Variants in NCOA7 observed in about 807,000 individuals in gnomAD.
NCOA7 encodes the protein 140 kDa estrogen receptor-associated protein.
A neutral mutation model predicts 104.3 loss-of-function variants in NCOA7; 45 were observed. The observed-to-expected ratio is 0.43, with a 90% CI of 0.34 to 0.55. The LOEUF (loss-of-function observed/expected upper bound fraction) is 0.55. NCOA7 is among the 20% of genes least tolerant of loss of function. NCOA7 has a pLI of 0.02. For missense variants in NCOA7, 1,041 were observed against 1,119.7 expected (o/e 0.93, Z 1.00); for synonymous variants, 398 against 402.3 (o/e 0.99, Z 0.13).
Position 125,890,093 on chromosome 6 carries a change from T to C in NCOA7, c.1927+112T>C, listed in dbSNP as rs1207964865. 4.9e-6 allele frequency: 4 copies of C among 818,176 alleles called. No individual in the cohort carries two copies. The African/African-American group carries it at 5.3e-5, about 11-fold the overall frequency. 50.7% of individuals were successfully genotyped at this position (818,176 alleles called of 1,614,324 possible). On this transcript the variant is annotated intron_variant, in intron 9 of 15. Transcript: ENST00000392477. ...TTATTTGAAAACAGTATTTTCTCAA[T>C]AGAGTGTATCTTTGCTGATAGCATT...
intron 10 of NCOA7, among the ~76,000 whole-genome samples, chr6:125,894,096 TTAATCATC>T (rs1784817769): frequency 6.6e-6 from 1 of 152,064 alleles, no homozygotes. Flanking sequence ...CCACCATATT[TTAATCATC>T]TAGTACAAAA....
intron 1 of NCOA7, among the ~76,000 whole-genome samples, chr6:125,784,987 A>AACACACACACACAC (rs3084325): frequency 1.1e-3 from 158 of 148,402 alleles, no homozygotes; most frequent in African/African-American, 3.8e-3. Context: ...GTTGCATATA[A>AACACACACACACAC]ACACACACAC....
chr6:125,859,520 CAA>C (rs1781866750), intron 3 of NCOA7, among the ~76,000 whole-genome samples: 1 of 152,020 alleles, frequency 6.6e-6, no homozygotes. Flanking sequence ...GGATATGTAA[CAA>C]TATGTTGATA....
chr6:125,856,151 T>C (rs953603484), intron 3 of NCOA7, among the ~76,000 whole-genome samples: 3 of 152,094 alleles, frequency 2.0e-5, no homozygotes, highest in African/African-American at 7.2e-5. Context: ...TGGCGTGGCA[T>C]ACAGGTTATG....
rs374367287 is a variant in NCOA7, at chr6:125,850,675, C to T, written c.51-4345C>T. Reference sequence around the variant, plus strand: ...TTCAAAAGATTAAGAAGCAGCATATCTCAGGCTGCATAGAACTAATATTAG... The same window carrying T: ...TTCAAAAGATTAAGAAGCAGCATATTTCAGGCTGCATAGAACTAATATTAG... On this transcript the variant is annotated intron_variant, in intron 2 of 15. Transcript: ENST00000392477. 1.5e-3 allele frequency among the ~76,000 whole-genome samples: 225 copies of T among 152,322 alleles called. 2 individuals carry two copies. In the Middle Eastern group the frequency reaches 0.024, roughly 16 times the overall value.
chr6:125,900,195 A>AT (rs1785380242), intron 10 of NCOA7, among the ~76,000 whole-genome samples: 1 of 152,158 alleles, frequency 6.6e-6, no homozygotes, highest in African/African-American at 2.4e-5. Context: ...GTGTTGCTAC[A>AT]TCTTCTCATC....
Position 125,881,102 on chromosome 6 carries a change from C to G in NCOA7, c.472C>G (p.Pro158Ala). The change falls in exon 6 of 16, where the codon CCA (proline) becomes GCA (alanine). Residue 158 changes from proline (P) to alanine (A), a missense_variant. Transcript: ENST00000392477. Reference protein sequence around the residue: ...TIVPGQVLFVPDANSPSSTLR... With the variant: ...TIVPGQVLFVADANSPSSTLR... ...CTCCCATTCTCAGGTCCTTTTTGTGCCAGATGCCAACTCTCCTTCCAGTAC... is the reference window on the plus strand; with the variant it reads ...CTCCCATTCTCAGGTCCTTTTTGTGGCAGATGCCAACTCTCCTTCCAGTAC... The G allele has an allele frequency of 2.5e-6, 4 of 1,613,438 alleles. No individual in the cohort carries two copies. In the South Asian group the frequency reaches 4.4e-5, roughly 18 times the overall value.
At chr6:125,815,226 T>C (rs1777478022) in intron 1 of NCOA7, 65 bp from the exon 2 acceptor site, 1 of 595,206 alleles carries the variant, frequency 1.7e-6, no homozygotes, top group African/African-American at 1.9e-5. Flanking sequence ...CTACTCCATT[T>C]TATTTTTCAC....
intron 10 of NCOA7, among the ~76,000 whole-genome samples, chr6:125,908,103 C>G (rs527243096): frequency 6.6e-6 from 1 of 152,288 alleles, no homozygotes; most frequent in Admixed American, 6.5e-5. Context: ...ATTTACTACT[C>G]ACAGAAAACC....
At chr6:125,831,768 A>C (rs1779202432) in intron 2 of NCOA7, among the ~76,000 whole-genome samples, 2 of 151,840 alleles carry the variant, frequency 1.3e-5, no homozygotes, top group South Asian at 4.2e-4. Flanking sequence ...CATCCCTATA[A>C]TTTTCTCGTT....
At chr6:125,804,910 G>A (rs1776291415) in intron 1 of NCOA7, among the ~76,000 whole-genome samples, 1 of 151,976 alleles carries the variant, frequency 6.6e-6, no homozygotes, top group East Asian at 1.9e-4. Flanking sequence ...TGAATTAAGA[G>A]AATGTGCTTT....
intron 2 of NCOA7, among the ~76,000 whole-genome samples, chr6:125,819,060 A>G (rs151328218): frequency 6.6e-6 from 1 of 152,234 alleles, no homozygotes; most frequent in African/African-American, 2.4e-5. Flanking sequence ...CTGAAACCCT[A>G]AAAACTGCTT....
chr6:125,895,814 C>T (rs935159602), intron 10 of NCOA7, among the ~76,000 whole-genome samples: 2 of 151,908 alleles, frequency 1.3e-5, no homozygotes, highest in Non-Finnish European at 2.9e-5. Flanking sequence ...ACAGCAAGGA[C>T]AGCACCAAGC....
chr6:125,890,861 C>G (rs373859208), intron 10 of NCOA7, 51 bp downstream of exon 10: 5 of 1,380,922 alleles, frequency 3.6e-6, no homozygotes, highest in Admixed American at 2.8e-5. Context: ...GTTTGGATGG[C>G]GTTTTGATAT....
chr6:125,809,501 C>T (rs1776770862), intron 1 of NCOA7, among the ~76,000 whole-genome samples: 1 of 152,136 alleles, frequency 6.6e-6, no homozygotes, highest in Non-Finnish European at 1.5e-5. Context: ...AAGTTTGTGG[C>T]ACACGTTTGT....
At position 125,862,760 on chromosome 6, in the gene NCOA7, T is replaced by C. The variant is rs1051869022; in HGVS notation, c.271+7520T>C. On this transcript the variant is annotated intron_variant, in intron 3 of 15. Transcript: ENST00000392477. ...GGTTCATGCCTATAATCACAGCACTTTGGGGGGCCAAGGCAGGCAGATCAC... is the reference window on the plus strand; with the variant it reads ...GGTTCATGCCTATAATCACAGCACTCTGGGGGGCCAAGGCAGGCAGATCAC... Among the ~76,000 whole-genome samples, 2 of 138,514 alleles carry C rather than the reference T, an allele frequency of 1.4e-5. 1 individual carries two copies. The highest frequency in any genetic ancestry group is 6.0e-5 in the African/African-American group (2 of 33,316). The allele number at this position is 138,514 out of a possible 152,430, so 90.9% of individuals were successfully genotyped here. A position where few individuals can be genotyped will look rare whatever the true frequency, so the allele number is the denominator to read the frequency against.
At chr6:125,823,914 T>C (rs1161438544) in intron 2 of NCOA7, among the ~76,000 whole-genome samples, 1 of 152,174 alleles carries the variant, frequency 6.6e-6, no homozygotes, top group East Asian at 1.9e-4. Context: ...GTAGTAAGAA[T>C]AAATATTTGT....
At position 125,878,263 on chromosome 6, in the gene NCOA7, G is replaced by T. The variant is rs143153057; in HGVS notation, c.352G>T (p.Ala118Ser). The change falls in exon 5 of 16, where the codon GCT (alanine) becomes TCT (serine). Residue 118 changes from alanine to serine, a missense_variant and splice_region_variant. Transcript: ENST00000392477. ...QKPHGTMEYTAGNQDTLNSIA... is the reference protein window; with the variant it reads ...QKPHGTMEYTSGNQDTLNSIA... Reference sequence around the variant, plus strand: ...ACTCTTACCTGTTTGATTATTCTAGGCTGGAAACCAGGACACCCTAAACTC... The same window carrying T: ...ACTCTTACCTGTTTGATTATTCTAGTCTGGAAACCAGGACACCCTAAACTC... 28 of 1,603,612 alleles carry T rather than the reference G, an allele frequency of 1.7e-5. No individual in the cohort carries two copies. Among genetic ancestry groups the T allele is most frequent in the Non-Finnish European group, 2.4e-5 (28 of 1,175,600 alleles).
intron 2 of NCOA7, among the ~76,000 whole-genome samples, chr6:125,823,122 C>T (rs1583301508): frequency 6.6e-6 from 1 of 152,176 alleles, no homozygotes; most frequent in Non-Finnish European, 1.5e-5. Context: ...CAAGGACACT[C>T]TCTTGCATGA....
Sources: gnomAD v4.1 joint callset for allele counts (sites outside exome capture counted in the v4.1 genomes callset) on GRCh38, gnomAD v4.1.1 for gene constraint, MANE v1.5 for transcripts, NCBI Gene and HGNC (gene_info 2026-07-23, HGNC 2026-07-21) for gene names.